The following PAX7 variants were observed in gnomAD, a reference collection of about 807,000 sequenced individuals.
The protein encoded by PAX7 is paired box 7, also known as paired box protein Pax-7.
Under a neutral mutation model 50.7 loss-of-function variants are expected in PAX7, and 18 were observed. The ratio of observed to expected loss-of-function variants is 0.36; its 90% confidence interval spans 0.25 to 0.53. PAX7 has a LOEUF of 0.53. Among genes scored for constraint, PAX7 ranks in the 20% least tolerant of loss-of-function variants. The probability of loss-of-function intolerance (pLI) is 0.93; values close to 1 mark genes in which losing one functional copy is unlikely to be tolerated. For synonymous variants in PAX7, 310 were observed against 290.4 expected (o/e 1.07, Z -0.69); for missense variants, 644 against 702.9 (o/e 0.92, Z 0.95).
chr1:18,718,963 A>G (rs2089462416), intron 7 of PAX7, among the ~76,000 whole-genome samples: 1 of 152,112 alleles, frequency 6.6e-6, no homozygotes, highest in South Asian at 2.1e-4. Flanking sequence ...TTTAGAAAAC[A>G]GGTTGGGGGG....
At position 18,681,927 on chromosome 1, in the gene PAX7, C is replaced by T. The variant is rs1029361287; in HGVS notation, c.587-9827C>T. On this transcript the variant is annotated intron_variant, in intron 4 of 8. Transcript: ENST00000420770. ...GCTAATTTTGTATTTTTAGTAGAGA[C>T]GGGTTTCACCATGTTGGTCAGGCTG... Among the ~76,000 whole-genome samples, 5 of 151,850 alleles carry T rather than the reference C, an allele frequency of 3.3e-5. No individual in the cohort carries two copies. In the South Asian group the frequency reaches 8.3e-4, roughly 25 times the overall value.
intron 4 of PAX7, among the ~76,000 whole-genome samples, chr1:18,681,580 G>A (rs1303852125): frequency 6.6e-6 from 1 of 152,146 alleles, no homozygotes; most frequent in East Asian, 1.9e-4. Flanking sequence ...GCCCTCTAGT[G>A]TCTAAGGACA....
chr1:18,738,973 A>G (rs1054799645), intron 8 of PAX7, among the ~76,000 whole-genome samples: 4 of 152,316 alleles, frequency 2.6e-5, no homozygotes, highest in South Asian at 4.1e-4. Flanking sequence ...ATCCCTGGGC[A>G]ACTTAATCCA....
intron 7 of PAX7, among the ~76,000 whole-genome samples, chr1:18,729,609 CTCA>C (rs1387969729): frequency 6.6e-6 from 1 of 152,184 alleles, no homozygotes; most frequent in Non-Finnish European, 1.5e-5. Context: ...TTTCAATGGA[CTCA>C]TCGTCCTGGA....
chr1:18,733,664 G>T (rs943369376), intron 7 of PAX7, among the ~76,000 whole-genome samples: 2 of 152,172 alleles, frequency 1.3e-5, no homozygotes, highest in Non-Finnish European at 2.9e-5. Context: ...AGACATTCCA[G>T]AGGACCTAAG....
At chr1:18,648,868 A>C (rs1355765552) in intron 4 of PAX7, among the ~76,000 whole-genome samples, 1 of 152,206 alleles carries the variant, frequency 6.6e-6, no homozygotes, top group Non-Finnish European at 1.5e-5. Flanking sequence ...GCTGTGGGAA[A>C]GGAGCAGAGA....
chr1:18,716,508 TTTG>T (rs1557548035), intron 7 of PAX7, among the ~76,000 whole-genome samples: 34 of 22,090 alleles, frequency 1.5e-3, no homozygotes, highest in African/African-American at 3.6e-3. Flanking sequence ...TTTTTTGTTT[TTTG>T]TTTTTTTCAC....
intron 7 of PAX7, among the ~76,000 whole-genome samples, chr1:18,724,612 G>A (rs191501501): frequency 1.3e-4 from 20 of 152,326 alleles, no homozygotes; most frequent in African/African-American, 4.8e-4. Flanking sequence ...GTGCTGAGCT[G>A]GCCCTGCAGC....
chr1:18,686,176 C>T (rs2088972427), intron 4 of PAX7, among the ~76,000 whole-genome samples: 1 of 152,248 alleles, frequency 6.6e-6, no homozygotes, highest in Non-Finnish European at 1.5e-5. Context: ...CCTCCTCCAT[C>T]TGACTGGGAG....
At chr1:18,635,088 C>T (rs2088125022) in intron 2 of PAX7, 23 bp from the exon 3 acceptor site, 6 of 1,612,236 alleles carry the variant, frequency 3.7e-6, no homozygotes, top group East Asian at 2.2e-5. Flanking sequence ...TCCACTCCTA[C>T]TCTCCCACCT....
chr1:18,652,502 G>A (rs950090644), intron 4 of PAX7, among the ~76,000 whole-genome samples: 4 of 152,142 alleles, frequency 2.6e-5, no homozygotes, highest in African/African-American at 9.7e-5. Context: ...ACAGAGGAGT[G>A]ATGTTTATTA....
intron 7 of PAX7, among the ~76,000 whole-genome samples, chr1:18,729,953 C>T (rs1027040300): frequency 6.6e-6 from 1 of 152,162 alleles, no homozygotes; most frequent in Non-Finnish European, 1.5e-5. Context: ...AACTGCACAG[C>T]CCCTGACTGA....
rs60061476 is a variant in PAX7, at chr1:18,726,005, C to T, written c.1156-9627C>T. ...GTGTGTGTGTGTGTGCGCGCGCGCG[C>T]GTGCGCGCGTGTGTGTGCGTGTGTT... On this transcript the variant is annotated intron_variant, in intron 7 of 8. Coordinates refer to ENST00000420770, the MANE Select transcript of PAX7 (RefSeq NM_001135254.2). The surrounding 1 kb of genome is among the most constrained non-coding windows in gnomAD (Gnocchi z 4.8). Among the ~76,000 whole-genome samples, 5,175 of 143,612 alleles carry T rather than the reference C, an allele frequency of 0.036. 307 individuals are homozygous for T. The highest frequency in any genetic ancestry group is 0.13 in the African/African-American group (4,858 of 37,614). 94.2% of individuals were successfully genotyped at this position (143,612 alleles called of 152,430 possible).
intron 4 of PAX7, among the ~76,000 whole-genome samples, chr1:18,690,165 A>T (rs1376240365): frequency 6.6e-6 from 1 of 152,212 alleles, no homozygotes; most frequent in Non-Finnish European, 1.5e-5. Flanking sequence ...GGTGCATAGC[A>T]GATACTCAAT....
chr1:18,673,496 T>A (rs2088782418), intron 4 of PAX7, among the ~76,000 whole-genome samples: 1 of 152,248 alleles, frequency 6.6e-6, no homozygotes, highest in Admixed American at 6.5e-5. Context: ...GTAACTAACC[T>A]ATGGTTGGCC....
chr1:18,645,109 GGGTGTTTGTGAAT>G (rs888869057), intron 4 of PAX7, among the ~76,000 whole-genome samples: 1 of 152,238 alleles, frequency 6.6e-6, no homozygotes, highest in Non-Finnish European at 1.5e-5. Flanking sequence ...TCTTGTGTCT[GGGTGTTTGTGAAT>G]GGTGTGTGAG....
intron 7 of PAX7, among the ~76,000 whole-genome samples, chr1:18,716,626 C>G (rs561189768): frequency 2.6e-5 from 4 of 151,730 alleles, no homozygotes; most frequent in Admixed American, 6.5e-5. Flanking sequence ...CTCACCGTCT[C>G]CCTGATCGCG....
intron 7 of PAX7, among the ~76,000 whole-genome samples, chr1:18,731,424 A>C (rs968522007): frequency 2.6e-5 from 4 of 152,170 alleles, no homozygotes; most frequent in African/African-American, 9.7e-5. Flanking sequence ...ACCTGGGTGC[A>C]AATCCCAGCT....
chr1:18,679,933 G>A (rs1363802304), intron 4 of PAX7, among the ~76,000 whole-genome samples: 1 of 152,176 alleles, frequency 6.6e-6, no homozygotes, highest in Non-Finnish European at 1.5e-5. Flanking sequence ...ACATGGAGGG[G>A]CCAATAATAA....
Sources: allele counts gnomAD v4.1 joint callset (sites outside exome capture counted in the v4.1 genomes callset), GRCh38; gene constraint gnomAD v4.1.1; non-coding constraint Gnocchi (gnomAD v3.1); transcripts MANE v1.5; gene names NCBI Gene and HGNC (gene_info 2026-07-23, HGNC 2026-07-21).